Variants in NUDCD1 observed in about 807,000 individuals in gnomAD.
NUDCD1 encodes the protein NudC domain containing 1, also known as nudC domain-containing protein 1.
A neutral mutation model predicts 67.8 loss-of-function variants in NUDCD1; 60 were observed. The observed-to-expected ratio is 0.88, with a 90% CI of 0.72 to 1.10. NUDCD1 has a LOEUF of 1.10. Ranked by LOEUF, NUDCD1 falls within the 50% of genes least tolerant of loss-of-function variation. NUDCD1 has a pLI of 0.00. For synonymous variants in NUDCD1, 244 were observed against 230.8 expected, an observed-to-expected ratio of 1.06 and a Z score of -0.52; for missense variants, 643 against 695.0, an observed-to-expected ratio of 0.93 and a Z score of 0.84.
chr8:109,307,261 AG>A (rs1416835983), intron 2 of NUDCD1, among the ~76,000 whole-genome samples: 1 of 152,242 alleles, frequency 6.6e-6, no homozygotes, highest in Non-Finnish European at 1.5e-5. Context: ...GCCCTTAAGA[AG>A]GTACTTTGTA....
intron 8 of NUDCD1, among the ~76,000 whole-genome samples, chr8:109,251,168 CTTT>C (rs1161896743): frequency 3.7e-5 from 5 of 134,828 alleles, no homozygotes; most frequent in African/African-American, 1.1e-4. Flanking sequence ...TCATCTATTT[CTTT>C]TTTTTTTTTT....
chr8:109,273,264 A>G (rs1814200836), intron 7 of NUDCD1, among the ~76,000 whole-genome samples: 1 of 152,126 alleles, frequency 6.6e-6, no homozygotes, highest in Admixed American at 6.6e-5. Context: ...TAACCATCCT[A>G]GGCTTTCAGT....
Position 109,243,065 on chromosome 8 carries a change from A to G in NUDCD1, c.1696T>C (p.Leu566=). ...AGGTTTTTGGTAGTAAGAACAAATA[A>G]TCTCTCATTTGTTGCCTGAAATCCT... ...ILGFQATNER[L]FVLTTKNLFL... is the part of the protein sequence containing the mutation. The change falls in exon 10 of 10, where the codon TTA becomes CTA. Residue 566 remains leucine (L), a synonymous_variant. Coordinates refer to ENST00000239690, the MANE Select transcript of NUDCD1 (RefSeq NM_032869.4). The G allele has an allele frequency of 6.2e-7, 1 of 1,609,632 alleles. No individual in the cohort carries two copies. The highest frequency in any genetic ancestry group is 8.5e-7 in the Non-Finnish European group (1 of 1,175,998).
chr8:109,296,702 C>G (rs1033821723), intron 2 of NUDCD1, 133 bp from the exon 3 acceptor site: 30 of 606,856 alleles, frequency 4.9e-5, no homozygotes, highest in Non-Finnish European at 8.4e-5. Flanking sequence ...TTGATGTGAG[C>G]TGTCCTACTG....
At chr8:109,284,749 AC>A in intron 5 of NUDCD1, among the ~76,000 whole-genome samples, 1 of 152,030 alleles carries the variant, frequency 6.6e-6, no homozygotes, top group East Asian at 1.9e-4. Flanking sequence ...CTAATATCAC[AC>A]CCAGAAGAAC....
At chr8:109,267,606 T>C (rs1355151654) in intron 8 of NUDCD1, among the ~76,000 whole-genome samples, 1 of 152,118 alleles carries the variant, frequency 6.6e-6, no homozygotes, top group Non-Finnish European at 1.5e-5. Context: ...AAAAGAAAGT[T>C]TGGTTTAAAA....
At position 109,259,922 on chromosome 8, in the gene NUDCD1, A is replaced by G. The variant is rs557320496; in HGVS notation, c.1299+11083T>C. ...CATACTTTTAACAGCTTACTATTCA[A>G]AAGATTTTTTCATATACTAAAAGTA... On this transcript the variant is annotated intron_variant, in intron 8 of 9. Coordinates refer to ENST00000239690, the MANE Select transcript of NUDCD1 (RefSeq NM_032869.4). 3.9e-5 allele frequency among the ~76,000 whole-genome samples: 6 copies of G among 152,318 alleles called. No homozygotes were observed. The South Asian group carries it at 1.0e-3, about 26-fold the overall frequency.
intron 2 of NUDCD1, among the ~76,000 whole-genome samples, chr8:109,318,619 T>TC (rs34147231): frequency 0.39 from 59,745 of 151,982 alleles, 12,270 homozygotes; most frequent in South Asian, 0.51. Flanking sequence ...CCAGATTGCA[T>TC]TCCTCTGATC....
At chr8:109,313,246 T>C (rs1029612437) in intron 2 of NUDCD1, among the ~76,000 whole-genome samples, 16 of 152,158 alleles carry the variant, frequency 1.1e-4, no homozygotes, top group African/African-American at 2.4e-4. Context: ...CTGGAGAGCA[T>C]TGGCAGGCAA....
At chr8:109,316,244 G>A (rs749360556) in intron 2 of NUDCD1, 5 of 152,078 alleles carry the variant, frequency 3.3e-5, no homozygotes, top group African/African-American at 4.8e-5. Flanking sequence ...ACTTCTTTCC[G>A]AGGGACATTT....
chr8:109,311,559 G>GTGTGTA lies in NUDCD1; in HGVS notation c.273+10749_273+10750insTACACA. On this transcript the variant is annotated intron_variant, in intron 2 of 9. Transcript: ENST00000239690. ...AATGAGTGGATAAAGAAACTGTGGT[G>GTGTGTA]TATATATATATATGATGGGATACTG... 5.3e-3 allele frequency among the ~76,000 whole-genome samples: 660 copies of GTGTGTA among 125,172 alleles called. 64 individuals are homozygous for GTGTGTA. Among genetic ancestry groups the GTGTGTA allele is most frequent in the Middle Eastern group, 0.044 (10 of 228 alleles). 82.1% of individuals were successfully genotyped at this position (125,172 alleles called of 152,430 possible).
chr8:109,308,194 T>C (rs1815156742), intron 2 of NUDCD1, among the ~76,000 whole-genome samples: 1 of 152,086 alleles, frequency 6.6e-6, no homozygotes, highest in East Asian at 1.9e-4. Flanking sequence ...ACCACGTAAA[T>C]ACATGGAAAT....
At chr8:109,331,687 G>C (rs1375880134) in intron 1 of NUDCD1, among the ~76,000 whole-genome samples, 1 of 152,120 alleles carries the variant, frequency 6.6e-6, no homozygotes, top group Non-Finnish European at 1.5e-5. Context: ...GTGAGATTTT[G>C]CTTCCTGCTT....
intron 1 of NUDCD1, among the ~76,000 whole-genome samples, chr8:109,330,980 C>G (rs1815791763): frequency 6.6e-6 from 1 of 152,038 alleles, no homozygotes; most frequent in Non-Finnish European, 1.5e-5. Context: ...TGCAGCAAAC[C>G]ACCATGGCAC....
chr8:109,248,352 C>T (rs1813547180), intron 8 of NUDCD1, among the ~76,000 whole-genome samples: 1 of 152,206 alleles, frequency 6.6e-6, no homozygotes, highest in African/African-American at 2.4e-5. Context: ...GTAATAACAG[C>T]AACCTAACAT....
intron 5 of NUDCD1, among the ~76,000 whole-genome samples, chr8:109,284,351 T>C (rs1814526313): frequency 6.6e-6 from 1 of 151,980 alleles, no homozygotes; most frequent in African/African-American, 2.4e-5. Flanking sequence ...AACTTCAACA[T>C]ACCACTCACA....
chr8:109,244,158 G>A (rs1813443148), intron 9 of NUDCD1, among the ~76,000 whole-genome samples: 1 of 152,052 alleles, frequency 6.6e-6, no homozygotes, highest in African/African-American at 2.4e-5. Context: ...AGCACATGCA[G>A]ATCAATACTG....
At chr8:109,315,058 T>G (rs1030310545) in intron 2 of NUDCD1, 1 of 152,206 alleles carries the variant, frequency 6.6e-6, no homozygotes, top group Non-Finnish European at 1.5e-5. Flanking sequence ...GATCTTTTTC[T>G]GGACAAAGTA....
rs145956523 is a variant in NUDCD1 at position 109,316,783 on chromosome 8, T to G, written c.273+5526A>C. 2.0e-3 allele frequency among the ~76,000 whole-genome samples: 311 copies of G among 152,312 alleles called. 1 individual carries two copies. The highest frequency in any genetic ancestry group is 7.3e-3 in the African/African-American group (303 of 41,572). On this transcript the variant is annotated intron_variant, in intron 2 of 9. Transcript: ENST00000239690. ...AAACCACCTGAGGTGCTTGATAAAA[T>G]GCAGGTTCCCAGTCCATGACCAACC...
Sources: gnomAD v4.1 joint callset for allele counts (sites outside exome capture counted in the v4.1 genomes callset) on GRCh38, gnomAD v4.1.1 for gene constraint, MANE v1.5 for transcripts, NCBI Gene and HGNC (gene_info 2026-07-23, HGNC 2026-07-21) for gene names.